The following KIAA1217 variants were observed in gnomAD, a reference collection of about 807,000 sequenced individuals.
KIAA1217 encodes sickle tail protein homolog.
In KIAA1217, 88 loss-of-function variants were observed where a neutral mutation model predicts 163.9. That is an observed-to-expected ratio of 0.54 (90% CI 0.45 to 0.64). The LOEUF is 0.64. Ranked by LOEUF, KIAA1217 falls within the 30% of genes least tolerant of loss-of-function variation. The pLI is 0.00. For synonymous variants in KIAA1217, 903 were observed against 923.1 expected, an observed-to-expected ratio of 0.98 and a Z score of 0.39; for missense variants, 2,372 against 2,475.0, an observed-to-expected ratio of 0.96 and a Z score of 0.88.
chr10:24,126,826 T>C (rs2063488174), intron 2 of KIAA1217, among the ~76,000 whole-genome samples: 1 of 151,980 alleles, frequency 6.6e-6, no homozygotes, highest in African/African-American at 2.4e-5. Flanking sequence ...TCCTCTTATG[T>C]CCACTACATA....
intron 5 of KIAA1217, among the ~76,000 whole-genome samples, chr10:24,446,867 T>C (rs764678697): frequency 5.5e-4 from 83 of 152,196 alleles, no homozygotes; most frequent in Admixed American, 2.2e-3. Flanking sequence ...TAAAGAGAAG[T>C]GGAGCTGAAT....
intron 2 of KIAA1217, among the ~76,000 whole-genome samples, chr10:24,326,969 T>G (rs1292455435): frequency 6.6e-6 from 1 of 152,220 alleles, no homozygotes; most frequent in Non-Finnish European, 1.5e-5. Flanking sequence ...TATGCATACC[T>G]TTTGGTTATG....
intron 1 of KIAA1217, among the ~76,000 whole-genome samples, chr10:23,784,400 G>A (rs1343067150): frequency 3.9e-5 from 6 of 151,994 alleles, no homozygotes; most frequent in Non-Finnish European, 8.8e-5. Flanking sequence ...GTCACTCTGT[G>A]TCTTTTGACT....
At chr10:24,299,446 C>G (rs1001481303) in intron 2 of KIAA1217, among the ~76,000 whole-genome samples, 1 of 152,098 alleles carries the variant, frequency 6.6e-6, no homozygotes, top group Non-Finnish European at 1.5e-5. Flanking sequence ...GGGTCTTGCT[C>G]TGTTGCCCAG....
At chr10:24,489,642 G>A (rs927413266) in intron 6 of KIAA1217, among the ~76,000 whole-genome samples, 2 of 151,622 alleles carry the variant, frequency 1.3e-5, no homozygotes, top group South Asian at 2.1e-4. Context: ...GGCCGATCTC[G>A]CTTGAGTCCA....
chr10:24,397,857 C>G (rs936266107), intron 3 of KIAA1217, among the ~76,000 whole-genome samples: 1 of 152,186 alleles, frequency 6.6e-6, no homozygotes, highest in Non-Finnish European at 1.5e-5. Context: ...AACCCCACCC[C>G]CAATAAAGAG....
At chr10:24,495,541 T>C (rs2066684871) in intron 8 of KIAA1217, among the ~76,000 whole-genome samples, 1 of 152,192 alleles carries the variant, frequency 6.6e-6, no homozygotes, top group Non-Finnish European at 1.5e-5. Context: ...TGTTTAAAAG[T>C]GCAGGATAAA....
At chr10:23,878,590 G>C (rs2131182459) in intron 1 of KIAA1217, among the ~76,000 whole-genome samples, 1 of 152,002 alleles carries the variant, frequency 6.6e-6, no homozygotes, top group East Asian at 1.9e-4. Context: ...TAAATGCATT[G>C]GAATAAAATA....
intron 2 of KIAA1217, among the ~76,000 whole-genome samples, chr10:24,334,473 AAGG>A (rs761480677): frequency 6.6e-6 from 1 of 150,538 alleles, no homozygotes; most frequent in Non-Finnish European, 1.5e-5. Context: ...GGAAGGAAGG[AAGG>A]AAGGAAGGAA....
intron 5 of KIAA1217, among the ~76,000 whole-genome samples, chr10:24,471,982 T>G (rs1228154618): frequency 6.6e-6 from 1 of 152,060 alleles, no homozygotes; most frequent in Non-Finnish European, 1.5e-5. Flanking sequence ...CACTTACAGA[T>G]GACTTGAATG....
rs1241537339 is a variant in KIAA1217, at chr10:24,531,936, C to G, written c.3189C>G (p.Thr1063=). The change falls in exon 15 of 21, where the codon ACC becomes ACG. Residue 1063 remains threonine (T), a synonymous_variant. Transcript: ENST00000376454. ...GCTACCTGCCAGGATCGGGACTCAC[C>G]ACCACGAGGTCAGGCGATGTGGTCT... ...RRSYLPGSGL[T]TTRSGDVVYT... 6.2e-7 allele frequency: 1 copy of G among 1,609,852 alleles called. No homozygotes were observed. The highest frequency in any genetic ancestry group is 2.2e-5 in the East Asian group (1 of 44,750).
chr10:24,175,053 G>C (rs2065808962), intron 2 of KIAA1217, among the ~76,000 whole-genome samples: 1 of 151,866 alleles, frequency 6.6e-6, no homozygotes, highest in Admixed American at 6.6e-5. Flanking sequence ...GTAGAGACAG[G>C]GTCTCACTAT....
intron 1 of KIAA1217, among the ~76,000 whole-genome samples, chr10:23,765,147 G>A (rs1834444757): frequency 6.8e-6 from 1 of 147,032 alleles, no homozygotes; most frequent in Non-Finnish European, 1.5e-5. Context: ...CTTGTCTGTT[G>A]GTTAGAAAAT....
At chr10:23,761,267 C>G (rs1834250220) in intron 1 of KIAA1217, among the ~76,000 whole-genome samples, 1 of 151,924 alleles carries the variant, frequency 6.6e-6, no homozygotes, top group South Asian at 2.1e-4. Flanking sequence ...AAAAAACAAC[C>G]CTGATCTGTT....
chr10:24,250,939 A>C (rs994597693), intron 2 of KIAA1217, among the ~76,000 whole-genome samples: 1 of 151,578 alleles, frequency 6.6e-6, no homozygotes, highest in African/African-American at 2.4e-5. Flanking sequence ...AAAATGAAAA[A>C]AATTAGGCCA....
At chr10:24,211,122 G>T (rs964851503) in intron 1 of KIAA1217, among the ~76,000 whole-genome samples, 3 of 152,148 alleles carry the variant, frequency 2.0e-5, no homozygotes, top group African/African-American at 7.2e-5. Flanking sequence ...GGAATAAGGA[G>T]TGAAACTGTA....
Position 23,765,102 on chromosome 10 carries a change from A to C in KIAA1217, c.-321+69868A>C, listed in dbSNP as rs151252950. Reference sequence around the variant, plus strand: ...TTACACTTTCCTGTTAATAAACTATAATATTATAATAGTTATGATAAACAC... The same window carrying C: ...TTACACTTTCCTGTTAATAAACTATCATATTATAATAGTTATGATAAACAC... On this transcript the variant is annotated intron_variant, in intron 1 of 18. Transcript: ENST00000376462. Among the ~76,000 whole-genome samples, 1,102 of 152,060 alleles carry C rather than the reference A, an allele frequency of 7.2e-3. 20 individuals are homozygous for C. Among genetic ancestry groups the C allele is most frequent in the African/African-American group, 0.024 (1,011 of 41,462 alleles).
intron 5 of KIAA1217, among the ~76,000 whole-genome samples, chr10:24,447,512 A>C (rs2061041245): frequency 6.6e-6 from 1 of 152,108 alleles, no homozygotes; most frequent in Non-Finnish European, 1.5e-5. Context: ...ACACGTCTTA[A>C]GTGTCTTTCA....
intron 1 of KIAA1217, among the ~76,000 whole-genome samples, chr10:23,910,889 C>T (rs555206346): frequency 3.3e-5 from 5 of 152,204 alleles, no homozygotes; most frequent in African/African-American, 1.2e-4. Flanking sequence ...AAATGATGGG[C>T]TTCAAGGCTC....
Sources: gnomAD v4.1 joint callset for allele counts (sites outside exome capture counted in the v4.1 genomes callset) on GRCh38, gnomAD v4.1.1 for gene constraint, MANE v1.5 for transcripts, NCBI Gene and HGNC (gene_info 2026-07-23, HGNC 2026-07-21) for gene names.